Variants in PKIA observed in about 807,000 individuals in gnomAD.
PKIA encodes PKI-alpha.
In PKIA, 4 loss-of-function variants were observed where a neutral mutation model predicts 7.6. That is an observed-to-expected ratio of 0.52 (90% CI 0.26 to 1.20). PKIA has a LOEUF of 1.20. Among genes scored for constraint, PKIA ranks in the 50% most tolerant of loss-of-function variants. The pLI is 0.13. For missense variants in PKIA, 73 were observed against 86.2 expected (o/e 0.85, Z 0.61); for synonymous variants, 21 against 30.7 (o/e 0.68, Z 1.04).
chr8:78,542,971 T>C (rs574009424), intron 1 of PKIA, among the ~76,000 whole-genome samples: 115 of 152,202 alleles, frequency 7.6e-4, no homozygotes, highest in African/African-American at 2.7e-3. Flanking sequence ...CCTTCAGAAA[T>C]GAAGAGAACC....
At chr8:78,544,742 C>G (rs1199429166) in intron 1 of PKIA, among the ~76,000 whole-genome samples, 1 of 152,164 alleles carries the variant, frequency 6.6e-6, no homozygotes, top group Non-Finnish European at 1.5e-5. Flanking sequence ...ACAGAGAGTA[C>G]AGACTAATGT....
At chr8:78,582,253 A>T (rs1807830314) in intron 2 of PKIA, among the ~76,000 whole-genome samples, 1 of 151,120 alleles carries the variant, frequency 6.6e-6, no homozygotes, top group Admixed American at 6.6e-5. Context: ...CTATAAGGAC[A>T]TACCCAGGAC....
chr8:78,574,102 T>C (rs1341668599), intron 2 of PKIA, among the ~76,000 whole-genome samples: 1 of 152,006 alleles, frequency 6.6e-6, no homozygotes, highest in Non-Finnish European at 1.5e-5. Flanking sequence ...CTTAACTATA[T>C]TACTTGCAAA....
chr8:78,597,924 G>A (rs1282430842), intron 2 of PKIA, among the ~76,000 whole-genome samples: 12 of 151,868 alleles, frequency 7.9e-5, no homozygotes, highest in Admixed American at 5.3e-4. Flanking sequence ...TGGAGCTGAA[G>A]GCCATTATCC....
At chr8:78,567,634 G>A (rs544989882) in intron 1 of PKIA, among the ~76,000 whole-genome samples, 1 of 152,080 alleles carries the variant, frequency 6.6e-6, no homozygotes, top group Non-Finnish European at 1.5e-5. Context: ...ATTATACTCT[G>A]GAAGGAAATC....
At chr8:78,531,386 C>T (rs1806382833) in intron 1 of PKIA, among the ~76,000 whole-genome samples, 2 of 152,112 alleles carry the variant, frequency 1.3e-5, no homozygotes, top group African/African-American at 4.8e-5. Flanking sequence ...CGTTTTTCCT[C>T]CATTTAGCTG....
intron 2 of PKIA, among the ~76,000 whole-genome samples, chr8:78,574,613 T>C (rs1247330739): frequency 6.6e-6 from 1 of 152,012 alleles, no homozygotes. Context: ...ACTAGTGATC[T>C]AAAATAGCAC....
intron 2 of PKIA, among the ~76,000 whole-genome samples, chr8:78,580,219 T>C (rs1455786762): frequency 1.3e-5 from 2 of 152,086 alleles, no homozygotes. Context: ...ACATATGTCA[T>C]AGGTATAAAG....
chr8:78,545,046 GA>G (rs1214970082), intron 1 of PKIA, among the ~76,000 whole-genome samples: 22 of 151,978 alleles, frequency 1.4e-4, no homozygotes, highest in African/African-American at 3.4e-4. Context: ...AAATAATAAA[GA>G]AAAAAGCTAA....
intron 2 of PKIA, among the ~76,000 whole-genome samples, chr8:78,591,737 C>T (rs965414496): frequency 6.6e-6 from 1 of 151,880 alleles, no homozygotes; most frequent in Non-Finnish European, 1.5e-5. Flanking sequence ...AAAGTAACAC[C>T]ATATTACCTT....
At chr8:78,554,156 CTTCA>C (rs748775508) in intron 1 of PKIA, among the ~76,000 whole-genome samples, 2 of 151,974 alleles carry the variant, frequency 1.3e-5, no homozygotes, top group East Asian at 3.9e-4. Context: ...ATACTGGGTT[CTTCA>C]TGCCATTTTT....
chr8:78,589,681 C>T (rs1428085374), intron 2 of PKIA, among the ~76,000 whole-genome samples: 1 of 152,060 alleles, frequency 6.6e-6, no homozygotes, highest in Non-Finnish European at 1.5e-5. Context: ...TATTCTGCAC[C>T]CCTACACACT....
At chr8:78,580,131 A>AT (rs892349489) in intron 2 of PKIA, among the ~76,000 whole-genome samples, 10 of 152,046 alleles carry the variant, frequency 6.6e-5, no homozygotes, top group African/African-American at 2.4e-4. Flanking sequence ...GTGCTATATA[A>AT]TTTTTTAAGT....
chr8:78,533,768 G>A (rs1158843349), intron 1 of PKIA: 1 of 152,162 alleles, frequency 6.6e-6, no homozygotes, highest in Non-Finnish European at 1.5e-5. Context: ...GCTGAGGTAG[G>A]GGTGTCACTG....
intron 2 of PKIA, among the ~76,000 whole-genome samples, chr8:78,589,671 T>C (rs1275446567): frequency 6.6e-6 from 1 of 152,204 alleles, no homozygotes; most frequent in Non-Finnish European, 1.5e-5. Context: ...GTGATCTATG[T>C]ATTCTGCACC....
At chr8:78,586,609 T>A (rs117148585) in intron 2 of PKIA, among the ~76,000 whole-genome samples, 3,030 of 152,288 alleles carry the variant, frequency 0.02, 35 homozygotes, top group Non-Finnish European at 0.033. Context: ...ATTAATACTC[T>A]GCATAGGAGA....
At chr8:78,586,735 A>G (rs570406565) in intron 2 of PKIA, among the ~76,000 whole-genome samples, 1 of 152,354 alleles carries the variant, frequency 6.6e-6, no homozygotes, top group African/African-American at 2.4e-5. Flanking sequence ...TATTGATGGC[A>G]AACCATTAAC....
At chr8:78,567,331 T>C (rs1563582596) in intron 1 of PKIA, among the ~76,000 whole-genome samples, 1 of 152,152 alleles carries the variant, frequency 6.6e-6, no homozygotes, top group Non-Finnish European at 1.5e-5. Context: ...CTGTATTACA[T>C]TTAGTTGTCA....
intron 1 of PKIA, among the ~76,000 whole-genome samples, chr8:78,524,956 A>G (rs915070630): frequency 6.6e-6 from 1 of 151,870 alleles, no homozygotes; most frequent in African/African-American, 2.4e-5. Flanking sequence ...CCAATACAAA[A>G]TGATTGGTAT....
Sources: gnomAD v4.1 joint callset for allele counts (sites outside exome capture counted in the v4.1 genomes callset) on GRCh38, gnomAD v4.1.1 for gene constraint, MANE v1.5 for transcripts, NCBI Gene and HGNC (gene_info 2026-07-23, HGNC 2026-07-21) for gene names.